PKHD1L1: variants seen among roughly 807,000 people sequenced by gnomAD.
PKHD1L1 encodes the protein fibrocystin-L.
In PKHD1L1, 434 loss-of-function variants were observed where a neutral mutation model predicts 462.9. That is an observed-to-expected ratio of 0.94 (90% CI 0.87 to 1.02). PKHD1L1 has a LOEUF of 1.02. PKHD1L1 is among the 50% of genes least tolerant of loss of function. PKHD1L1 has a pLI of 0.00. For missense variants in PKHD1L1, 5,202 were observed against 5,096.1 expected (o/e 1.02, Z -0.63); for synonymous variants, 1,781 against 1,750.0 (o/e 1.02, Z -0.44).
chr8:109,504,531 GT>G, intron 68 of PKHD1L1, 39 bp downstream of exon 68: 1 of 1,260,526 alleles, frequency 7.9e-7, no homozygotes, highest in Non-Finnish European at 1.1e-6. Context: ...TATCTTTATA[GT>G]TTTTCATTCT....
rs778493904 is a variant in PKHD1L1, at chr8:109,364,616, G to A, written c.143G>A (p.Arg48Lys). ...PKYGSINGAT[R>K]LTIRGEGFSQ... Reference sequence around the variant, plus strand: ...TATGGCAGTATAAATGGAGCAACAAGGCTGACTATAAGAGGGGAAGGTATC... The same window carrying A: ...TATGGCAGTATAAATGGAGCAACAAAGCTGACTATAAGAGGGGAAGGTATC... Residue 48 changes from arginine (R) to lysine (K), a missense_variant, in exon 2 of 78, where the codon AGG becomes AAG. By Grantham distance (26) the Arg-to-Lys change is conservative. This residue lies in a region of PKHD1L1 where 4,497 missense variants were observed against 4,336.8 expected (regional missense o/e 1.04). Transcript: ENST00000378402. 3.2e-6 allele frequency: 5 copies of A among 1,585,438 alleles called. No individual in the cohort carries two copies. Among genetic ancestry groups the A allele is most frequent in the Admixed American group, 1.7e-5 (1 of 58,848 alleles).
intron 2 of PKHD1L1, among the ~76,000 whole-genome samples, chr8:109,380,286 A>T (rs1288894628): frequency 1.3e-5 from 2 of 151,808 alleles, no homozygotes; most frequent in Non-Finnish European, 2.9e-5. Flanking sequence ...TTGGTGATGG[A>T]TTGTGCTTAA....
At chr8:109,487,321 A>G (rs1357318229) in intron 59 of PKHD1L1, among the ~76,000 whole-genome samples, 2 of 151,944 alleles carry the variant, frequency 1.3e-5, no homozygotes, top group African/African-American at 4.8e-5. Context: ...ATATTTTAGT[A>G]TGCAACTCTA....
At chr8:109,448,002 C>A in intron 38 of PKHD1L1, 141 bp from the exon 39 acceptor site, 1 of 706,428 alleles carries the variant, frequency 1.4e-6, no homozygotes, top group Non-Finnish European at 2.3e-6. Flanking sequence ...TATTGTATGA[C>A]ATAGCATGTA....
In PKHD1L1 at chr8:109,532,805, T is replaced by C. The variant is rs978262288; in HGVS notation, c.*2715T>C. Among the ~76,000 whole-genome samples the C allele has an allele frequency of 1.3e-5, 2 of 152,230 alleles. No individual in the cohort carries two copies. Among genetic ancestry groups the C allele is most frequent in the African/African-American group, 4.8e-5 (2 of 41,460 alleles). Reference sequence around the variant, plus strand: ...TGACTTCTAGATGGTCCATCTGTTTTTACCTTTTATCCATTTTATCCCCAA... The same window carrying C: ...TGACTTCTAGATGGTCCATCTGTTTCTACCTTTTATCCATTTTATCCCCAA... On this transcript the variant is annotated 3_prime_UTR_variant, in exon 78 of 78. Coordinates refer to ENST00000378402, the MANE Select transcript of PKHD1L1 (RefSeq NM_177531.6).
chr8:109,505,082 GTCTT>G (rs1002510532), intron 68 of PKHD1L1, among the ~76,000 whole-genome samples: 12 of 151,804 alleles, frequency 7.9e-5, no homozygotes, highest in Non-Finnish European at 1.6e-4. Flanking sequence ...TAGAGACAGG[GTCTT>G]TCTATGTTTC....
chr8:109,451,021 A>T lies in PKHD1L1; in HGVS notation c.6222A>T (p.Lys2074Asn), dbSNP rs542700381. The stretch of plus-strand genomic sequence containing the variant: ...GTGAAGTGAGTGTGGTTAATGGGAA[A>T]GATTTGTCACAGTCCATGACTCCGT... ...QACEVSVVNGKDLSQSMTPFT... is the reference protein window; with the variant it reads ...QACEVSVVNGNDLSQSMTPFT... Residue 2074 changes from lysine (K) to asparagine (N), a missense_variant, in exon 41 of 78, where the codon AAA (lysine) becomes AAT (asparagine). Physicochemically the swap from Lys to Asn is moderately conservative, Grantham distance 94. Coordinates refer to ENST00000378402, the MANE Select transcript of PKHD1L1 (RefSeq NM_177531.6). The T allele has an allele frequency of 6.2e-7, 1 of 1,613,576 alleles. No homozygotes were observed. The highest frequency in any genetic ancestry group is 1.3e-5 in the African/African-American group (1 of 75,060).
intron 41 of PKHD1L1, 50 bp downstream of exon 41, chr8:109,451,199 C>T: frequency 2.6e-6 from 4 of 1,518,660 alleles, no homozygotes; most frequent in Non-Finnish European, 2.7e-6. Context: ...AGACTTGAGC[C>T]ATTACTCCTG....
At chr8:109,446,901 A>G (rs1010428333) in intron 38 of PKHD1L1, among the ~76,000 whole-genome samples, 1 of 152,126 alleles carries the variant, frequency 6.6e-6, no homozygotes, top group Non-Finnish European at 1.5e-5. Flanking sequence ...AAATGTTAAG[A>G]CCTGTAAAAC....
intron 67 of PKHD1L1, among the ~76,000 whole-genome samples, chr8:109,501,547 C>T (rs1819413713): frequency 6.6e-6 from 1 of 152,092 alleles, no homozygotes; most frequent in South Asian, 2.1e-4. Context: ...GTTTGATTTC[C>T]TGAGGAATGG....
intron 16 of PKHD1L1, among the ~76,000 whole-genome samples, chr8:109,405,546 G>A (rs1332817805): frequency 6.6e-6 from 1 of 152,062 alleles, no homozygotes; most frequent in Non-Finnish European, 1.5e-5. Context: ...CAGGGACATG[G>A]ATGGAGCTTA....
chr8:109,497,957 A>G (rs1819200124), intron 65 of PKHD1L1, among the ~76,000 whole-genome samples: 1 of 151,734 alleles, frequency 6.6e-6, no homozygotes, highest in African/African-American at 2.4e-5. Context: ...TCCCTCTCCT[A>G]TTCTTAGTGC....
At chr8:109,386,420 C>T (rs1812444947) in intron 6 of PKHD1L1, among the ~76,000 whole-genome samples, 1 of 152,056 alleles carries the variant, frequency 6.6e-6, no homozygotes, top group Admixed American at 6.6e-5. Flanking sequence ...TTAAACAATT[C>T]AGATAGACAC....
rs1432390927 is a variant in PKHD1L1 at position 109,456,460 on chromosome 8, A to C, written c.7004+69A>C. The C allele has an allele frequency of 4.3e-6, 6 of 1,400,184 alleles. No homozygotes were observed. The East Asian group carries it at 7.6e-5, about 18-fold the overall frequency. The allele number at this position is 1,400,184 out of a possible 1,614,324, so 86.7% of individuals were successfully genotyped here. A position where few individuals can be genotyped will look rare whatever the true frequency, so the allele number is the denominator to read the frequency against. ...ATTTTTATACTGTATAAAGAGGGACAATTCAGATGGTGCATGACTATTTGG... is the reference window on the plus strand; with the variant it reads ...ATTTTTATACTGTATAAAGAGGGACCATTCAGATGGTGCATGACTATTTGG... On this transcript the variant is annotated intron_variant, in intron 46 of 77. Transcript: ENST00000378402.
chr8:109,403,103 T>G (rs1382599783), intron 14 of PKHD1L1, among the ~76,000 whole-genome samples: 1 of 152,080 alleles, frequency 6.6e-6, no homozygotes, highest in Admixed American at 6.6e-5. Context: ...AGCACAGAGT[T>G]TGAATGAAAG....
chr8:109,522,637 A>G, intron 74 of PKHD1L1, 107 bp from the exon 75 acceptor site: 1 of 1,141,142 alleles, frequency 8.8e-7, no homozygotes. Context: ...TATTGAACAT[A>G]TTCCAAAATA....
rs1023203713 is a variant in PKHD1L1 at position 109,452,812 on chromosome 8, C to A, written c.6602C>A (p.Thr2201Lys). 1 of 1,535,964 alleles carries A rather than the reference C, an allele frequency of 6.5e-7. No homozygotes were observed. The part of the protein sequence containing the change: ...PPEEGSLVVI[T>K]KGQTILLDQS... ...GAAGAAGGATCTCTTGTTGTTATTA[C>A]AAAAGGACAGACCATTCTGCTGGAT... Residue 2201 changes from threonine (T) to lysine (K), a missense_variant, in exon 43 of 78, where the codon ACA becomes AAA. Coordinates refer to ENST00000378402, the MANE Select transcript of PKHD1L1 (RefSeq NM_177531.6).
intron 50 of PKHD1L1, among the ~76,000 whole-genome samples, chr8:109,473,525 A>T (rs1030924706): frequency 6.9e-4 from 105 of 151,322 alleles, no homozygotes; most frequent in African/African-American, 2.1e-3. Context: ...CAAGAAAAAA[A>T]AAAAAGAAAA....
At chr8:109,404,914 G>A (rs1192552360) in intron 15 of PKHD1L1, 81 bp from the exon 16 acceptor site, 7 of 1,110,312 alleles carry the variant, frequency 6.3e-6, no homozygotes, top group Non-Finnish European at 8.7e-6. Flanking sequence ...GCAATAAAGT[G>A]GCATTGAATA....
Sources: gnomAD v4.1 joint callset for allele counts (sites outside exome capture counted in the v4.1 genomes callset) on GRCh38, gnomAD v4.1.1 for gene constraint, gnomAD v4.1.1 regional missense constraint, MANE v1.5 for transcripts, NCBI Gene and HGNC (gene_info 2026-07-23, HGNC 2026-07-21) for gene names.